IL1RAPL1: variants seen among roughly 807,000 people sequenced by gnomAD.
IL1RAPL1 encodes the protein interleukin-1 receptor accessory protein-like 1.
IL1RAPL1 carries 3 observed loss-of-function variants against 48.4 expected under a neutral mutation model. That is an observed-to-expected ratio of 0.06 (90% CI 0.03 to 0.16). IL1RAPL1 has a LOEUF of 0.16. IL1RAPL1 is among the 10% of genes least tolerant of loss of function. The pLI, the probability that IL1RAPL1 is intolerant of heterozygous loss-of-function variation, is 1.00. For synonymous variants in IL1RAPL1, 185 were observed against 187.7 expected (o/e 0.99, Z 0.12); for missense variants, 349 against 530.6 (o/e 0.66, Z 3.36).
intron 2 of IL1RAPL1, among the ~76,000 whole-genome samples, chrX:29,219,696 A>G (rs1441394691): frequency 1.8e-5 from 2 of 111,512 alleles, no homozygotes; most frequent in African/African-American, 3.3e-5. Flanking sequence ...TAATCAGAGC[A>G]CTCACCTGTA....
chrX:29,095,166 T>C (rs1048583721), intron 2 of IL1RAPL1, among the ~76,000 whole-genome samples: 2 of 111,426 alleles, frequency 1.8e-5, no homozygotes, highest in Admixed American at 9.7e-5. Context: ...AGGACAGATA[T>C]GTTTTCTTTG....
intron 2 of IL1RAPL1, among the ~76,000 whole-genome samples, chrX:28,968,970 T>C (rs1401209944): frequency 4.4e-5 from 5 of 112,797 alleles, no homozygotes; most frequent in Non-Finnish European, 9.4e-5. Flanking sequence ...TTTTTAACAA[T>C]GGAACAATTG....
intron 1 of IL1RAPL1, among the ~76,000 whole-genome samples, chrX:28,788,223 A>G (rs759755490): frequency 1.3e-4 from 14 of 111,791 alleles, no homozygotes; most frequent in Non-Finnish European, 2.3e-4. Flanking sequence ...TCATTTCACA[A>G]TATATATGCA....
intron 2 of IL1RAPL1, among the ~76,000 whole-genome samples, chrX:28,855,744 G>A (rs540439566): frequency 1.8e-5 from 2 of 111,233 alleles, no homozygotes; most frequent in East Asian, 5.7e-4. Flanking sequence ...GAGCCTTAAC[G>A]CCTACAAAGT....
intron 2 of IL1RAPL1, among the ~76,000 whole-genome samples, chrX:28,954,374 A>G (rs1924547562): frequency 9.0e-6 from 1 of 110,613 alleles, no homozygotes; most frequent in East Asian, 2.8e-4. Flanking sequence ...AGCACTTCAG[A>G]ATAAAAAAGA....
At chrX:29,634,562 C>T (rs755127861) in intron 5 of IL1RAPL1, among the ~76,000 whole-genome samples, 23 of 111,088 alleles carry the variant, frequency 2.1e-4, no homozygotes, top group Non-Finnish European at 3.8e-4. Flanking sequence ...ACCCTAGTCA[C>T]GAGATTCTTC....
chrX:28,900,120 A>G (rs1365204545), intron 2 of IL1RAPL1, among the ~76,000 whole-genome samples: 1 of 112,078 alleles, frequency 8.9e-6, no homozygotes, highest in African/African-American at 3.2e-5. Context: ...AGTGCAGACT[A>G]TTGAGTGGGC....
intron 1 of IL1RAPL1, among the ~76,000 whole-genome samples, chrX:28,739,256 C>T (rs956931506): frequency 1.8e-5 from 2 of 111,255 alleles, no homozygotes; most frequent in Admixed American, 9.6e-5. Flanking sequence ...GCAGGTGACA[C>T]GGAGTCTATA....
At chrX:29,611,283 CA>C (rs1238677072) in intron 5 of IL1RAPL1, among the ~76,000 whole-genome samples, 1 of 111,835 alleles carries the variant, frequency 8.9e-6, no homozygotes, top group East Asian at 2.8e-4. Context: ...TTCCTCTGCA[CA>C]GTAAAACTTG....
At chrX:29,566,234 C>T (rs1337972469) in intron 5 of IL1RAPL1, among the ~76,000 whole-genome samples, 3 of 111,436 alleles carry the variant, frequency 2.7e-5, no homozygotes, top group East Asian at 2.8e-4. Flanking sequence ...CCACCGCGCC[C>T]GGCCCATGTG....
chrX:28,729,252 T>C (rs1255497494), intron 1 of IL1RAPL1, among the ~76,000 whole-genome samples: 1 of 111,782 alleles, frequency 8.9e-6, no homozygotes, highest in Non-Finnish European at 1.9e-5. Flanking sequence ...AGTATTCTTA[T>C]GTAATAGCCA....
At chrX:29,926,161 A>G (rs191106347) in intron 8 of IL1RAPL1, among the ~76,000 whole-genome samples, 80 of 112,077 alleles carry the variant, frequency 7.1e-4, no homozygotes, top group Non-Finnish European at 1.4e-3. Flanking sequence ...CAGTTTTAAT[A>G]TGGAAGTATG....
intron 1 of IL1RAPL1, among the ~76,000 whole-genome samples, chrX:28,721,865 T>A (rs1183776979): frequency 9.0e-6 from 1 of 111,552 alleles, no homozygotes; most frequent in Non-Finnish European, 1.9e-5. Context: ...CTTTCCCCAT[T>A]TCTTGTTTTT....
rs189436442 is a variant in IL1RAPL1, at chrX:28,774,285, T to C, written c.-24-15035T>C. ...TGTTTCCATCTGTATTAGTTATCTA[T>C]TGCTGCATAAAAAGTTATCCAAACC... On this transcript the variant is annotated intron_variant, in intron 1 of 10. Transcript: ENST00000378993. Among the ~76,000 whole-genome samples, 230 of 111,847 alleles carry C rather than the reference T, an allele frequency of 2.1e-3. 1 individual carries two copies. Among genetic ancestry groups the C allele is most frequent in the African/African-American group, 7.2e-3 (220 of 30,766 alleles).
At chrX:29,102,944 A>T (rs1928373682) in intron 2 of IL1RAPL1, among the ~76,000 whole-genome samples, 1 of 112,018 alleles carries the variant, frequency 8.9e-6, no homozygotes, top group South Asian at 3.6e-4. Context: ...TACAATAAAA[A>T]CTATAAAACG....
rs1191577320 is a variant in IL1RAPL1, at chrX:29,106,444, A to T, written c.83-176494A>T. Among the ~76,000 whole-genome samples, 4 of 111,297 alleles carry T rather than the reference A, an allele frequency of 3.6e-5. No individual in the cohort carries two copies. In the East Asian group the frequency reaches 8.4e-4, roughly 23 times the overall value. On this transcript the variant is annotated intron_variant, in intron 2 of 10. Coordinates refer to ENST00000378993, the MANE Select transcript of IL1RAPL1 (RefSeq NM_014271.4). ...AGGACTCAGTGGGATTCTAAAAAAA[A>T]AATTATTTTTTCTAAAATATTCTGG...
At chrX:28,806,039 G>A (rs1241183293) in intron 2 of IL1RAPL1, among the ~76,000 whole-genome samples, 1 of 110,825 alleles carries the variant, frequency 9.0e-6, no homozygotes, top group Non-Finnish European at 1.9e-5. Flanking sequence ...TCTGATACCA[G>A]AAACTCCTTG....
chrX:29,406,185 C>T (rs1426212699), intron 5 of IL1RAPL1, among the ~76,000 whole-genome samples: 1 of 111,209 alleles, frequency 9.0e-6, no homozygotes, highest in African/African-American at 3.3e-5. Flanking sequence ...GTCAGGAGAT[C>T]AAGACCATCC....
chrX:29,036,724 A>C (rs1229907245), intron 2 of IL1RAPL1, among the ~76,000 whole-genome samples: 1 of 111,408 alleles, frequency 9.0e-6, no homozygotes, highest in Non-Finnish European at 1.9e-5. Context: ...AATTCACCAA[A>C]AGTCTATTAT....
Sources: gnomAD v4.1 joint callset for allele counts (sites outside exome capture counted in the v4.1 genomes callset) on GRCh38, gnomAD v4.1.1 for gene constraint, MANE v1.5 for transcripts, NCBI Gene and HGNC (gene_info 2026-07-23, HGNC 2026-07-21) for gene names.